The following L3MBTL4 variants were observed in gnomAD, a reference collection of about 807,000 sequenced individuals.
L3MBTL4 encodes the protein L3MBTL histone methyl-lysine binding protein 4, also known as lethal(3)malignant brain tumor-like protein 4.
L3MBTL4 carries 70 observed loss-of-function variants against 84.5 expected under a neutral mutation model. The observed-to-expected ratio is 0.83, with a 90% CI of 0.68 to 1.01. L3MBTL4 has a LOEUF of 1.01. Ranked by LOEUF, L3MBTL4 falls within the 50% of genes least tolerant of loss-of-function variation. L3MBTL4 has a pLI of 0.00. For synonymous variants in L3MBTL4, 274 were observed against 259.8 expected (o/e 1.05, Z -0.52); for missense variants, 715 against 754.8 (o/e 0.95, Z 0.62).
chr18:6,156,613 GGATC>G (rs2043115372), intron 13 of L3MBTL4, among the ~76,000 whole-genome samples: 1 of 152,120 alleles, frequency 6.6e-6, no homozygotes, highest in South Asian at 2.1e-4. Flanking sequence ...CGTGAACTCA[GGATC>G]TCTACTCAAC....
intron 5 of L3MBTL4, among the ~76,000 whole-genome samples, chr18:6,262,317 A>G (rs1235292880): frequency 1.3e-5 from 2 of 152,186 alleles, no homozygotes; most frequent in Non-Finnish European, 2.9e-5. Context: ...CTTTACACTC[A>G]GAAGCGAGAA....
At position 6,380,625 on chromosome 18, in the gene L3MBTL4, T is replaced by C. The variant is rs1252906339; in HGVS notation, c.-91+34176A>G. ...GTTCAGTTTCCATGTAGTTGTGCGG[T>C]TTTAAGTGAGTTTCTTAATCCTGAG... On this transcript the variant is annotated intron_variant, in intron 1 of 18. Transcript: ENST00000317931. 2.6e-5 allele frequency among the ~76,000 whole-genome samples: 4 copies of C among 152,196 alleles called. No individual in the cohort carries two copies. The East Asian group carries it at 7.7e-4, about 29-fold the overall frequency.
chr18:6,159,767 C>A (rs768320236), intron 13 of L3MBTL4, among the ~76,000 whole-genome samples: 1 of 152,144 alleles, frequency 6.6e-6, no homozygotes, highest in Admixed American at 6.5e-5. Context: ...TTTATATATA[C>A]CCTGGTGAGA....
Position 6,023,951 on chromosome 18 carries a change from T to C in L3MBTL4, c.1445-54389A>G, listed in dbSNP as rs993695894. On this transcript the variant is annotated intron_variant, in intron 16 of 18. Coordinates refer to ENST00000317931, the MANE Select transcript of L3MBTL4 (RefSeq NM_001330559.2). ...TACGCTTTTTACAAGTCTGTCAGTC[T>C]CCTTTAAAAAACCTACCTGTGTGAC... Among the ~76,000 whole-genome samples the C allele has an allele frequency of 9.2e-5, 14 of 152,342 alleles. 1 individual carries two copies. The highest frequency in any genetic ancestry group is 3.4e-3 in the Middle Eastern group (1 of 294).
At chr18:6,034,303 C>T (rs562723019) in intron 16 of L3MBTL4, among the ~76,000 whole-genome samples, 1 of 152,084 alleles carries the variant, frequency 6.6e-6, no homozygotes, top group African/African-American at 2.4e-5. Context: ...CCCGCTCCCC[C>T]CACCCCACAA....
chr18:6,336,199 T>C (rs2052327467), intron 1 of L3MBTL4, among the ~76,000 whole-genome samples: 1 of 151,874 alleles, frequency 6.6e-6, no homozygotes, highest in African/African-American at 2.4e-5. Flanking sequence ...ATAAAGGCAT[T>C]GGAGAGCTAT....
chr18:6,360,084 T>G (rs943916745), intron 1 of L3MBTL4, among the ~76,000 whole-genome samples: 2 of 152,192 alleles, frequency 1.3e-5, no homozygotes, highest in African/African-American at 4.8e-5. Context: ...TTAAAGCCAG[T>G]TGAGGCTAGG....
At chr18:6,405,500 T>G (rs138845311) in intron 1 of L3MBTL4, among the ~76,000 whole-genome samples, 136 of 152,330 alleles carry the variant, frequency 8.9e-4, no homozygotes, top group African/African-American at 3.2e-3. Context: ...CACTAACTTT[T>G]GGAAAGCACA....
At chr18:6,366,794 T>C (rs2053953693) in intron 1 of L3MBTL4, among the ~76,000 whole-genome samples, 1 of 152,256 alleles carries the variant, frequency 6.6e-6, no homozygotes, top group Non-Finnish European at 1.5e-5. Context: ...AATGCCAGAC[T>C]TTCTCTCATC....
intron 1 of L3MBTL4, among the ~76,000 whole-genome samples, chr18:6,355,392 T>C (rs919186745): frequency 6.6e-6 from 1 of 152,156 alleles, no homozygotes; most frequent in Non-Finnish European, 1.5e-5. Context: ...TGTAATGTTT[T>C]CAATAATACT....
intron 16 of L3MBTL4, among the ~76,000 whole-genome samples, chr18:6,066,113 C>A (rs139739282): frequency 6.6e-6 from 1 of 152,020 alleles, no homozygotes; most frequent in African/African-American, 2.4e-5. Context: ...CATTGTTAAA[C>A]CAAAAATTAT....
At chr18:6,358,847 G>T (rs1231510317) in intron 1 of L3MBTL4, among the ~76,000 whole-genome samples, 1 of 152,190 alleles carries the variant, frequency 6.6e-6, no homozygotes, top group East Asian at 1.9e-4. Flanking sequence ...TGGCCTGAGG[G>T]CTCCACAGGA....
intron 15 of L3MBTL4, among the ~76,000 whole-genome samples, chr18:6,086,530 G>C (rs978799009): frequency 1.3e-5 from 2 of 152,176 alleles, no homozygotes; most frequent in African/African-American, 4.8e-5. Flanking sequence ...TGCCTAAAAA[G>C]TGAGGCAGGT....
intron 3 of L3MBTL4, among the ~76,000 whole-genome samples, chr18:6,305,011 A>G (rs1054025148): frequency 6.6e-6 from 1 of 152,178 alleles, no homozygotes; most frequent in Non-Finnish European, 1.5e-5. Flanking sequence ...CACAAAAACA[A>G]CATTACCTCT....
chr18:6,069,019 G>A (rs1234227229), intron 16 of L3MBTL4, among the ~76,000 whole-genome samples: 1 of 152,200 alleles, frequency 6.6e-6, no homozygotes, highest in Non-Finnish European at 1.5e-5. Context: ...ACTTTGAGCT[G>A]ATGCTGGGGA....
At chr18:6,104,979 A>C (rs1422437159) in intron 14 of L3MBTL4, among the ~76,000 whole-genome samples, 2 of 152,126 alleles carry the variant, frequency 1.3e-5, no homozygotes, top group African/African-American at 4.8e-5. Flanking sequence ...TCTTAAAGGG[A>C]GCTCTTTAAA....
intron 16 of L3MBTL4, among the ~76,000 whole-genome samples, chr18:5,971,068 A>C (rs2052618404): frequency 6.6e-6 from 1 of 152,238 alleles, no homozygotes; most frequent in Admixed American, 6.5e-5. Flanking sequence ...TCCAACACTG[A>C]CCTTTTTAGT....
chr18:6,082,791 T>C (rs1011306172), intron 15 of L3MBTL4, among the ~76,000 whole-genome samples: 1 of 152,188 alleles, frequency 6.6e-6, no homozygotes, highest in African/African-American at 2.4e-5. Flanking sequence ...CAATTGATCA[T>C]GGGTATATTT....
At chr18:6,350,171 T>C (rs1364518432) in intron 1 of L3MBTL4, among the ~76,000 whole-genome samples, 1 of 152,044 alleles carries the variant, frequency 6.6e-6, no homozygotes, top group Non-Finnish European at 1.5e-5. Context: ...AAAACATAAG[T>C]GAAAACCCTC....
Sources: gnomAD v4.1 joint callset for allele counts (sites outside exome capture counted in the v4.1 genomes callset) on GRCh38, gnomAD v4.1.1 for gene constraint, MANE v1.5 for transcripts, NCBI Gene and HGNC (gene_info 2026-07-23, HGNC 2026-07-21) for gene names.